MXD1: variants seen among roughly 807,000 people sequenced by gnomAD.
MXD1 encodes MAX dimerization protein 1, also known as MAX-binding protein.
In MXD1, 9 loss-of-function variants were observed where a neutral mutation model predicts 25.7. The observed-to-expected ratio is 0.35, with a 90% confidence interval of 0.21 to 0.61. The LOEUF (loss-of-function observed/expected upper bound fraction) is 0.61, where lower values mean the gene tolerates loss of function less well. Ranked by LOEUF, MXD1 falls within the 20% of genes least tolerant of loss-of-function variation. The probability of loss-of-function intolerance (pLI) is 0.75; values close to 1 mark genes in which losing one functional copy is unlikely to be tolerated. For synonymous variants in MXD1, 99 were observed against 113.9 expected, an observed-to-expected ratio of 0.87 and a Z score of 0.83; for missense variants, 227 against 292.4, an observed-to-expected ratio of 0.78 and a Z score of 1.63.
rs1410474492 is a variant in MXD1 at position 69,942,432 on chromosome 2, T to TGCTAGATTCA, written c.*4153_*4162dup. On this transcript the variant is annotated 3_prime_UTR_variant, in exon 6 of 6. Transcript: ENST00000264444. The stretch of plus-strand genomic sequence containing the variant: ...TCTGAAAGAAGAAATTGACAGGCAC[T>TGCTAGATTCA]GCTAGATTCAGCTATTGAATGGCTG... The TGCTAGATTCA allele has an allele frequency of 5.3e-5, 8 of 152,234 alleles. No individual in the cohort carries two copies. The South Asian group carries it at 6.2e-4, about 12-fold the overall frequency. The allele number at this position is 152,234 out of a possible 1,614,324, so 9.4% of individuals were successfully genotyped here. A position where few individuals can be genotyped will look rare whatever the true frequency, so the allele number is the denominator to read the frequency against.
intron 3 of MXD1, among the ~76,000 whole-genome samples, chr2:69,928,010 A>G (rs147181712): frequency 1.2e-3 from 180 of 151,874 alleles, no homozygotes; most frequent in African/African-American, 4.2e-3. Flanking sequence ...TTTCTGTTTA[A>G]CCCAGTAGGG....
chr2:69,932,029 T>C (rs1180668040), intron 3 of MXD1, among the ~76,000 whole-genome samples: 2 of 152,128 alleles, frequency 1.3e-5, no homozygotes, highest in African/African-American at 4.8e-5. Context: ...GTTGAGGATA[T>C]ATGGCAAAAC....
rs1267946554 is a variant in MXD1 at position 69,915,671 on chromosome 2, C to T, written c.73+268C>T. Among the ~76,000 whole-genome samples the T allele has an allele frequency of 1.3e-5, 2 of 152,218 alleles. No individual in the cohort carries two copies. Among genetic ancestry groups the T allele is most frequent in the Non-Finnish European group, 2.9e-5 (2 of 68,030 alleles). The stretch of plus-strand genomic sequence containing the variant: ...CCTTCACGAGTGGGTGGCCGGGGCC[C>T]CCTCCGATAGCCTCCCTGGTTTACC... On this transcript the variant is annotated intron_variant, in intron 1 of 5. Coordinates refer to ENST00000264444, the MANE Select transcript of MXD1 (RefSeq NM_002357.4). This position sits in a 1 kb window ranked among gnomAD's most constrained non-coding sequence, Gnocchi z 5.8.
Position 69,918,430 on chromosome 2 carries a change from G to C in MXD1, c.173+2210G>C, listed in dbSNP as rs185528472. Among the ~76,000 whole-genome samples the C allele has an allele frequency of 2.0e-5, 3 of 152,318 alleles. No individual in the cohort carries two copies. The East Asian group carries it at 5.8e-4, about 29-fold the overall frequency. On this transcript the variant is annotated intron_variant, in intron 2 of 5. Coordinates refer to ENST00000264444, the MANE Select transcript of MXD1 (RefSeq NM_002357.4). ...GAAAATGAAATTGTGAATATCAATT[G>C]TTTTTGAAATTATCCATAGAACTGC...
At chr2:69,916,394 T>C (rs1484581565) in intron 2 of MXD1, 174 bp downstream of exon 2, 2 of 474,834 alleles carry the variant, frequency 4.2e-6, no homozygotes, top group Non-Finnish European at 7.4e-6. Flanking sequence ...CTGTTTGGGT[T>C]GAGGGAACTG....
intron 3 of MXD1, among the ~76,000 whole-genome samples, chr2:69,931,546 T>G (rs1401527191): frequency 6.6e-6 from 1 of 152,216 alleles, no homozygotes; most frequent in Non-Finnish European, 1.5e-5. Context: ...CCATTATGTA[T>G]ATGTACCACA....
intron 3 of MXD1, among the ~76,000 whole-genome samples, chr2:69,933,494 G>T (rs1320772145): frequency 9.3e-6 from 1 of 107,596 alleles, no homozygotes; most frequent in Non-Finnish European, 1.8e-5. Flanking sequence ...CAGAAGAAGT[G>T]AAAGACTTAC....
At chr2:69,935,203 A>C (rs1475890760) in intron 3 of MXD1, 148 bp from the exon 4 acceptor site, 1 of 629,960 alleles carries the variant, frequency 1.6e-6, no homozygotes, top group East Asian at 2.8e-5. Context: ...TGTCTGGTTC[A>C]AAATATGTTT....
intron 3 of MXD1, among the ~76,000 whole-genome samples, chr2:69,927,045 G>A (rs1448893808): frequency 6.6e-6 from 1 of 152,186 alleles, no homozygotes; most frequent in Non-Finnish European, 1.5e-5. Context: ...GTGCTCCATG[G>A]GGAAGACTCT....
intron 3 of MXD1, among the ~76,000 whole-genome samples, chr2:69,922,149 T>C (rs1192857435): frequency 6.6e-6 from 1 of 152,222 alleles, no homozygotes; most frequent in Non-Finnish European, 1.5e-5. Context: ...ATAATATACA[T>C]GTAAGTATAT....
At position 69,940,516 on chromosome 2, in the gene MXD1, T is replaced by A. The variant is rs1677571508; in HGVS notation, c.*2232T>A. ...TGTACTTCTTTGTTTAATTTAGAAA[T>A]AAGGCATCCAAGAGATGCCATTATT... On this transcript the variant is annotated 3_prime_UTR_variant, in exon 6 of 6. Coordinates refer to ENST00000264444, the MANE Select transcript of MXD1 (RefSeq NM_002357.4). 1 of 152,652 alleles carries A rather than the reference T, an allele frequency of 6.6e-6. No individual in the cohort carries two copies. The highest frequency in any genetic ancestry group is 1.5e-5 in the Non-Finnish European group (1 of 68,042). 9.5% of individuals were successfully genotyped at this position (152,652 alleles called of 1,614,324 possible). A position where few individuals can be genotyped will look rare whatever the true frequency, so the allele number is the denominator to read the frequency against.
At chr2:69,931,743 T>G (rs573724017) in intron 3 of MXD1, among the ~76,000 whole-genome samples, 19 of 152,328 alleles carry the variant, frequency 1.2e-4, no homozygotes, top group African/African-American at 3.8e-4. Flanking sequence ...GAGCATGACT[T>G]ATTATAGTTC....
chr2:69,926,569 G>A (rs1226692694), intron 3 of MXD1, among the ~76,000 whole-genome samples: 1 of 152,142 alleles, frequency 6.6e-6, no homozygotes, highest in Non-Finnish European at 1.5e-5. Flanking sequence ...TCTAAGCAAA[G>A]TTTTGTAGCA....
At chr2:69,938,076 T>C in intron 5 of MXD1, 21 bp from the exon 6 acceptor site, 1 of 1,609,910 alleles carries the variant, frequency 6.2e-7, no homozygotes, top group Non-Finnish European at 8.5e-7. Flanking sequence ...TCAATGTCCT[T>C]CTCTCTTGTC....
At chr2:69,929,331 T>C (rs1227270551) in intron 3 of MXD1, among the ~76,000 whole-genome samples, 3 of 152,256 alleles carry the variant, frequency 2.0e-5, no homozygotes, top group Non-Finnish European at 4.4e-5. Context: ...ACTTTAAGGA[T>C]AGTATATTTA....
chr2:69,938,047 T>A (rs1360778983), intron 5 of MXD1, 50 bp from the exon 6 acceptor site: 1 of 1,576,788 alleles, frequency 6.3e-7, no homozygotes. Context: ...ACGCCTGAGC[T>A]TTCTGCAGAG....
intron 3 of MXD1, among the ~76,000 whole-genome samples, chr2:69,923,040 CA>C (rs149259918): frequency 0.042 from 5,466 of 129,850 alleles, 196 homozygotes; most frequent in African/African-American, 0.1. Context: ...TAGTAAACAC[CA>C]AAAAAAAAAA....
chr2:69,936,924 G>A (rs897614648), intron 4 of MXD1: 1 of 514,728 alleles, frequency 1.9e-6, no homozygotes, highest in Admixed American at 2.3e-5. Context: ...GGGAGATCAG[G>A]TTGGGGACTG....
intron 3 of MXD1, among the ~76,000 whole-genome samples, chr2:69,924,794 C>T (rs756037328): frequency 1.3e-5 from 2 of 151,708 alleles, no homozygotes; most frequent in Non-Finnish European, 2.9e-5. Context: ...AGGAAAAGAA[C>T]TTCTAACAGT....
Sources: allele counts gnomAD v4.1 joint callset (sites outside exome capture counted in the v4.1 genomes callset), GRCh38; gene constraint gnomAD v4.1.1; non-coding constraint Gnocchi (gnomAD v3.1); transcripts MANE v1.5; gene names NCBI Gene and HGNC (gene_info 2026-07-23, HGNC 2026-07-21).